Variants in ZFP64 observed in about 807,000 individuals in gnomAD.
ZFP64 encodes ZFP64 zinc finger protein.
A neutral mutation model predicts 51.6 loss-of-function variants in ZFP64; 14 were observed. The ratio of observed to expected loss-of-function variants is 0.27; its 90% CI spans 0.18 to 0.42. The LOEUF (loss-of-function observed/expected upper bound fraction) is 0.42. Among genes scored for constraint, ZFP64 ranks in the 10% least tolerant of loss-of-function variants. ZFP64 has a pLI of 1.00. For missense variants in ZFP64, 754 were observed against 906.8 expected, an observed-to-expected ratio of 0.83 and a Z score of 2.16; for synonymous variants, 375 against 361.4, an observed-to-expected ratio of 1.04 and a Z score of -0.43.
chr20:52,104,344 T>C (rs1444663193), intron 5 of ZFP64, among the ~76,000 whole-genome samples: 3 of 152,066 alleles, frequency 2.0e-5, no homozygotes, highest in Non-Finnish European at 2.9e-5. Flanking sequence ...GGACGAGAAA[T>C]GCTGCCCGGG....
At chr20:52,181,041 C>G (rs1983577760) in intron 2 of ZFP64, among the ~76,000 whole-genome samples, 1 of 152,224 alleles carries the variant, frequency 6.6e-6, no homozygotes. Context: ...CTCCCAGGTT[C>G]AAGCGATTCT....
At chr20:52,175,277 C>G (rs1195311006) in intron 2 of ZFP64, among the ~76,000 whole-genome samples, 3 of 152,154 alleles carry the variant, frequency 2.0e-5, no homozygotes, top group Non-Finnish European at 4.4e-5. Context: ...TATGCGCCAC[C>G]ACGCCCAGCT....
chr20:52,098,057 C>T (rs1235054892), intron 6 of ZFP64, among the ~76,000 whole-genome samples: 3 of 151,550 alleles, frequency 2.0e-5, no homozygotes, highest in Non-Finnish European at 4.4e-5. Context: ...CAGAGCAAGA[C>T]CTTGTCTTGG....
Position 52,085,301 on chromosome 20 carries a change from C to T in ZFP64, c.1229-35G>A, listed in dbSNP as rs1011695876. On this transcript the variant is annotated intron_variant, in intron 8 of 8. Coordinates refer to the ZFP64 transcript ENST00000361387. The surrounding 1 kb of genome is among the most constrained non-coding windows in gnomAD (Gnocchi z 4.3). Reference sequence around the variant, plus strand: ...GAAGGTGTGTTTCCATTAGAACAGGCAGGCAAAACAGACCCTCCCACCCCA... The same window carrying T: ...GAAGGTGTGTTTCCATTAGAACAGGTAGGCAAAACAGACCCTCCCACCCCA... The T allele has an allele frequency of 1.9e-6, 3 of 1,556,014 alleles. No individual in the cohort carries two copies. The highest frequency in any genetic ancestry group is 2.7e-5 in the African/African-American group (2 of 74,044).
At chr20:52,103,515 C>G (rs1490816516) in intron 5 of ZFP64, among the ~76,000 whole-genome samples, 2 of 152,186 alleles carry the variant, frequency 1.3e-5, no homozygotes, top group Non-Finnish European at 2.9e-5. Flanking sequence ...TACTCCAGGA[C>G]GCACGACACC....
At chr20:52,139,974 C>T (rs1205633117) in intron 5 of ZFP64, among the ~76,000 whole-genome samples, 3 of 151,450 alleles carry the variant, frequency 2.0e-5, no homozygotes, top group Admixed American at 1.3e-4. Context: ...GTAATTCTCA[C>T]ATTTCAAGCT....
intron 5 of ZFP64, chr20:52,110,511 G>C: frequency 1.4e-6 from 1 of 716,324 alleles, no homozygotes; most frequent in Non-Finnish European, 2.5e-6. Context: ...TCTTCCCTGT[G>C]ATCTTCAGGT....
intron 5 of ZFP64, among the ~76,000 whole-genome samples, chr20:52,123,300 C>T (rs2122857525): frequency 6.6e-6 from 1 of 152,336 alleles, no homozygotes; most frequent in East Asian, 1.9e-4. Context: ...AGCTGCTGCG[C>T]CCAGCAGACT....
rs1979999485 is a variant in ZFP64 at position 52,136,702 on chromosome 20, G to A, written c.763+23421C>T. 2.0e-5 allele frequency among the ~76,000 whole-genome samples: 3 copies of A among 152,036 alleles called. No homozygotes were observed. In the South Asian group the frequency reaches 6.2e-4, roughly 31 times the overall value. ...TAAAATAGAAAAACACCAGTACCTT[G>A]CTTATATTTAATAACTGTTTTTCAA... On this transcript the variant is annotated intron_variant, in intron 5 of 8. Coordinates refer to the ZFP64 transcript ENST00000361387.
At chr20:52,084,694 G>C (rs1289924543) in exon 9 of ZFP64, 3 of 1,614,124 alleles carry the variant, frequency 1.9e-6, no homozygotes, top group Non-Finnish European at 2.5e-6. Context: ...TCACTGTGCT[G>C]CTTCTTGTGG....
intron 5 of ZFP64, among the ~76,000 whole-genome samples, chr20:52,127,400 A>G (rs1447036472): frequency 6.6e-6 from 1 of 152,126 alleles, no homozygotes; most frequent in East Asian, 1.9e-4. Context: ...CCACGTGTCA[A>G]GGGAGAGACC....
chr20:52,118,989 A>G (rs1013970732), intron 5 of ZFP64, among the ~76,000 whole-genome samples: 1 of 152,162 alleles, frequency 6.6e-6, no homozygotes, highest in African/African-American at 2.4e-5. Flanking sequence ...CAAAAAATAC[A>G]GTAATTAGCT....
At chr20:52,166,098 T>G in intron 2 of ZFP64, 73 bp from the exon 3 acceptor site, 27 of 1,460,670 alleles carry the variant, frequency 1.8e-5, no homozygotes, top group Non-Finnish European at 2.4e-5. Context: ...TACTTTCCTT[T>G]GTAGAGAGAA....
At chr20:52,122,588 A>G (rs534676675) in intron 5 of ZFP64, among the ~76,000 whole-genome samples, 2 of 152,264 alleles carry the variant, frequency 1.3e-5, no homozygotes, top group Admixed American at 1.3e-4. Context: ...TGGGCAAAGT[A>G]TATTAACAAC....
At chr20:52,183,158 T>G (rs6126492) in intron 2 of ZFP64, among the ~76,000 whole-genome samples, 32,182 of 151,982 alleles carry the variant, frequency 0.21, 3,831 homozygotes, top group African/African-American at 0.33. Context: ...GAGAAGGGGA[T>G]TGTCCCCAGG....
chr20:52,133,924 G>A (rs1600737529), intron 5 of ZFP64, among the ~76,000 whole-genome samples: 1 of 151,688 alleles, frequency 6.6e-6, no homozygotes, highest in Non-Finnish European at 1.5e-5. Flanking sequence ...AGCTACTCAG[G>A]AGGCTGAGGT....
Position 52,177,205 on chromosome 20 carries a change from G to T in ZFP64, c.286+9627C>A, listed in dbSNP as rs536659749. 2.6e-5 allele frequency among the ~76,000 whole-genome samples: 4 copies of T among 152,168 alleles called. No individual in the cohort carries two copies. The South Asian group carries it at 8.3e-4, about 32-fold the overall frequency. On this transcript the variant is annotated intron_variant, in intron 2 of 5. Coordinates refer to ENST00000216923, the MANE Select transcript of ZFP64 (RefSeq NM_018197.3). The stretch of plus-strand genomic sequence containing the variant: ...CACAGATTCTGATGCAGAGATTTGG[G>T]GTAAAGTTTAGATATCTTTATAGCT...
Position 52,189,384 on chromosome 20 carries a change from A to G in ZFP64, c.46+2207T>C, listed in dbSNP as rs548796032. ...GAACTTCCAGCCTGGTGACAGCGAG[A>G]CTTCATCTCAAAAAAAAAAAAAATT... On this transcript the variant is annotated intron_variant, in intron 1 of 5. Transcript: ENST00000216923. Among the ~76,000 whole-genome samples, 77 of 145,250 alleles carry G rather than the reference A, an allele frequency of 5.3e-4. 1 individual carries two copies. Among genetic ancestry groups the G allele is most frequent in the African/African-American group, 2.0e-3 (77 of 38,064 alleles).
At chr20:52,107,787 G>A (rs1045018749) in intron 5 of ZFP64, among the ~76,000 whole-genome samples, 3 of 152,222 alleles carry the variant, frequency 2.0e-5, no homozygotes, top group African/African-American at 7.2e-5. Context: ...TTGGGCCTTT[G>A]CCAGGTCTCT....
Sources: gnomAD v4.1 joint callset for allele counts (sites outside exome capture counted in the v4.1 genomes callset) on GRCh38, gnomAD v4.1.1 for gene constraint, Gnocchi (gnomAD v3.1) non-coding constraint, MANE v1.5 for transcripts, NCBI Gene and HGNC (gene_info 2026-07-23, HGNC 2026-07-21) for gene names.